The following TXNRD3 variants were observed in gnomAD, a reference collection of about 807,000 sequenced individuals.
The protein encoded by TXNRD3 is thioredoxin reductase 3.
TXNRD3 carries 68 observed loss-of-function variants against 78.2 expected under a neutral mutation model. The ratio of observed to expected loss-of-function variants is 0.87; its 90% CI spans 0.72 to 1.06. The LOEUF is 1.06. TXNRD3 is among the 50% of genes least tolerant of loss of function. TXNRD3 has a pLI of 0.00. For synonymous variants in TXNRD3, 296 were observed against 300.1 expected (o/e 0.99, Z 0.14); for missense variants, 751 against 809.5 (o/e 0.93, Z 0.88).
At chr3:126,641,959 G>T in intron 6 of TXNRD3, 73 bp downstream of exon 6, 1 of 1,407,352 alleles carries the variant, frequency 7.1e-7, no homozygotes. Flanking sequence ...ATAAAAATAT[G>T]AATACCAAGT....
At chr3:126,620,045 C>T (rs1158556440) in intron 12 of TXNRD3, among the ~76,000 whole-genome samples, 1 of 152,132 alleles carries the variant, frequency 6.6e-6, no homozygotes, top group African/African-American at 2.4e-5. Flanking sequence ...CCTGTAATCC[C>T]AGCACTTTGG....
intron 13 of TXNRD3, among the ~76,000 whole-genome samples, chr3:126,614,980 T>C (rs991219423): frequency 6.6e-6 from 1 of 152,092 alleles, no homozygotes; most frequent in Admixed American, 6.6e-5. Flanking sequence ...CTTTTGGAAA[T>C]CTGAAGAGCC....
intron 6 of TXNRD3, among the ~76,000 whole-genome samples, chr3:126,636,351 C>T (rs1938863238): frequency 6.6e-6 from 1 of 152,048 alleles, no homozygotes; most frequent in Non-Finnish European, 1.5e-5. Context: ...TTTCTATCGG[C>T]CCTTTGTGTG....
chr3:126,646,100 A>T lies in TXNRD3; in HGVS notation c.414+11T>A, dbSNP rs1469654668. The stretch of plus-strand genomic sequence containing the variant: ...CAAACAGCATTGAAGAACATATAAT[A>T]GTATTATTACCTGGAAAGTTTGGTC... On this transcript the variant is annotated intron_variant, in intron 3 of 15. Transcript: ENST00000524230. The T allele has an allele frequency of 2.7e-6, 4 of 1,502,404 alleles. No homozygotes were observed. The highest frequency in any genetic ancestry group is 3.5e-6 in the Non-Finnish European group (4 of 1,128,702). 93.1% of individuals were successfully genotyped at this position (1,502,404 alleles called of 1,614,324 possible).
chr3:126,621,684 A>G (rs1938459327), intron 12 of TXNRD3, 58 bp downstream of exon 12: 2 of 1,385,530 alleles, frequency 1.4e-6, no homozygotes, highest in Non-Finnish European at 1.9e-6. Flanking sequence ...TACTTGTATT[A>G]GTTTTAAAAA....
intron 5 of TXNRD3, among the ~76,000 whole-genome samples, chr3:126,643,682 G>C (rs1933148331): frequency 6.6e-6 from 1 of 151,666 alleles, no homozygotes; most frequent in Admixed American, 6.6e-5. Context: ...ATCACTGCTT[G>C]TTAACTATAT....
Position 126,607,155 on chromosome 3 carries a change from T to C in TXNRD3, c.*750A>G, listed in dbSNP as rs1938062882. The C allele has an allele frequency of 6.6e-6, 1 of 152,210 alleles. No homozygotes were observed. Among genetic ancestry groups the C allele is most frequent in the African/African-American group, 2.4e-5 (1 of 41,452 alleles). 9.4% of individuals were successfully genotyped at this position (152,210 alleles called of 1,614,324 possible). ...TCACATAATACAGTATTAAAAACTT[T>C]TGGAAATAATACTATTAAGATGAAC... On this transcript the variant is annotated 3_prime_UTR_variant, in exon 16 of 16. Transcript: ENST00000524230.
chr3:126,607,288 T>A lies in TXNRD3; in HGVS notation c.*617A>T, dbSNP rs1938068805. ...AAGGTTATCACCACCAAGTAGTGAGTGTGAGGGTGAAGCATGAGTCAGCGT... is the reference window on the plus strand; with the variant it reads ...AAGGTTATCACCACCAAGTAGTGAGAGTGAGGGTGAAGCATGAGTCAGCGT... On this transcript the variant is annotated 3_prime_UTR_variant, in exon 16 of 16. Transcript: ENST00000524230. 1 of 152,286 alleles carries A rather than the reference T, an allele frequency of 6.6e-6. No individual in the cohort carries two copies. Among genetic ancestry groups the A allele is most frequent in the African/African-American group, 2.4e-5 (1 of 41,410 alleles). The allele number at this position is 152,286 out of a possible 1,614,324, so 9.4% of individuals were successfully genotyped here.
chr3:126,642,732 CA>C (rs1933124264), intron 5 of TXNRD3, among the ~76,000 whole-genome samples: 1 of 152,128 alleles, frequency 6.6e-6, no homozygotes, highest in African/African-American at 2.4e-5. Flanking sequence ...GGACAGAAAA[CA>C]AGTGTTCACA....
At chr3:126,654,112 C>G (rs1933452833) in intron 1 of TXNRD3, among the ~76,000 whole-genome samples, 1 of 151,684 alleles carries the variant, frequency 6.6e-6, no homozygotes. Flanking sequence ...ACTAGTGTCA[C>G]TTTATTATTC....
At chr3:126,644,174 A>G (rs1933168812) in intron 4 of TXNRD3, 121 bp from the exon 5 acceptor site, 1 of 1,353,580 alleles carries the variant, frequency 7.4e-7, no homozygotes, top group African/African-American at 1.5e-5. Context: ...TACCTGAATT[A>G]TACCAGCTAT....
intron 15 of TXNRD3, among the ~76,000 whole-genome samples, chr3:126,608,288 G>C (rs1938105140): frequency 6.6e-6 from 1 of 152,184 alleles, no homozygotes; most frequent in Non-Finnish European, 1.5e-5. Flanking sequence ...TTGCACCTGG[G>C]AGGTGGAGGT....
intron 1 of TXNRD3, among the ~76,000 whole-genome samples, chr3:126,650,447 C>G (rs1933361090): frequency 6.6e-6 from 1 of 152,286 alleles, no homozygotes; most frequent in Admixed American, 6.5e-5. Context: ...TCGAGACCAG[C>G]CTGGGCAACA....
At chr3:126,641,258 C>T (rs1304408118) in intron 6 of TXNRD3, among the ~76,000 whole-genome samples, 1 of 152,090 alleles carries the variant, frequency 6.6e-6, no homozygotes, top group East Asian at 1.9e-4. Flanking sequence ...GACAGTAGGA[C>T]TCAGAATCAC....
intron 2 of TXNRD3, among the ~76,000 whole-genome samples, chr3:126,647,024 C>T (rs191181877): frequency 1.3e-5 from 2 of 152,276 alleles, no homozygotes; most frequent in South Asian, 2.1e-4. Flanking sequence ...CCTCCCACTC[C>T]CTTCCCTCAA....
At position 126,621,757 on chromosome 3, in the gene TXNRD3, C is replaced by T. The variant is rs1938461388; in HGVS notation, c.1509G>A (p.Gly503=). The change falls in exon 12 of 16, where the codon GGG becomes GGA. Residue 503 remains glycine, a synonymous_variant. Coordinates refer to ENST00000524230, the MANE Select transcript of TXNRD3 (RefSeq NM_052883.3). ...AGAAACTTACCTTTTCTAAAGAGGC[C>T]CCAAAAAGTCTCTGAGCTAGCAGCT... The T allele has an allele frequency of 1.3e-6, 2 of 1,513,768 alleles. No homozygotes were observed. The highest frequency in any genetic ancestry group is 1.3e-5 in the South Asian group (1 of 79,418). The allele number at this position is 1,513,768 out of a possible 1,614,324, so 93.8% of individuals were successfully genotyped here. A position where few individuals can be genotyped will look rare whatever the true frequency, so the allele number is the denominator to read the frequency against.
At chr3:126,615,541 G>T in intron 12 of TXNRD3, 79 bp from the exon 13 acceptor site, 1 of 698,600 alleles carries the variant, frequency 1.4e-6, no homozygotes, top group Non-Finnish European at 2.2e-6. Flanking sequence ...TTTATATAAA[G>T]AAAATAAATC....
intron 10 of TXNRD3, among the ~76,000 whole-genome samples, chr3:126,623,611 T>C (rs376490177): frequency 3.4e-4 from 51 of 152,214 alleles, no homozygotes; most frequent in Admixed American, 5.2e-4. Flanking sequence ...ACCATCTCAA[T>C]AGATGCAATA....
intron 1 of TXNRD3, among the ~76,000 whole-genome samples, chr3:126,650,031 T>TA (rs1349303163): frequency 1.3e-5 from 2 of 152,194 alleles, no homozygotes; most frequent in Non-Finnish European, 2.9e-5. Flanking sequence ...ACAATATTTT[T>TA]AAAAAAGCAA....
Sources: gnomAD v4.1 joint callset for allele counts (sites outside exome capture counted in the v4.1 genomes callset) on GRCh38, gnomAD v4.1.1 for gene constraint, MANE v1.5 for transcripts, NCBI Gene and HGNC (gene_info 2026-07-23, HGNC 2026-07-21) for gene names.